CUEDC1: variants seen among roughly 807,000 people sequenced by gnomAD.
The protein encoded by CUEDC1 is CUE domain-containing protein 1.
CUEDC1 carries 30 observed loss-of-function variants against 43.7 expected under a neutral mutation model. The observed-to-expected ratio is 0.69, with a 90% CI of 0.51 to 0.93. CUEDC1 has a LOEUF of 0.93. Ranked by LOEUF, CUEDC1 falls within the 40% of genes least tolerant of loss-of-function variation. The pLI, the probability that CUEDC1 is intolerant of heterozygous loss-of-function variation, is 0.00. For missense variants in CUEDC1, 486 were observed against 549.0 expected (o/e 0.89, Z 1.15); for synonymous variants, 223 against 223.6 (o/e 1.00, Z 0.02).
rs1326657030 is a variant in CUEDC1, at chr17:57,873,585, T to C, written c.591+6A>G. 1.9e-6 allele frequency: 3 copies of C among 1,558,062 alleles called. No individual in the cohort carries two copies. Among genetic ancestry groups the C allele is most frequent in the African/African-American group, 1.4e-5 (1 of 72,752 alleles). ...GGGAGTGGAAGGCGGGGGCGGCCCCTGTTACCTGTATGCTGTCCAGCTGCT... is the reference window on the plus strand; with the variant it reads ...GGGAGTGGAAGGCGGGGGCGGCCCCCGTTACCTGTATGCTGTCCAGCTGCT... On this transcript the variant is annotated splice_donor_region_variant and intron_variant, in intron 4 of 10. Transcript: ENST00000577830.
At chr17:57,864,311 G>A (rs368315917) in intron 10 of CUEDC1, among the ~76,000 whole-genome samples, 1 of 142,542 alleles carries the variant, frequency 7.0e-6, no homozygotes, top group Non-Finnish European at 1.5e-5. Flanking sequence ...AGATTCAGAT[G>A]TAGGAGCCAG....
chr17:57,917,999 T>TA (rs61077820), intron 1 of CUEDC1, among the ~76,000 whole-genome samples: 3,602 of 151,810 alleles, frequency 0.024, 152 homozygotes, highest in African/African-American at 0.082. Context: ...GTGGCATCGT[T>TA]AGAGTGTGAG....
chr17:57,885,457 G>A lies in CUEDC1; in HGVS notation c.108C>T (p.Ser36=), dbSNP rs765939268. 1.3e-6 allele frequency: 2 copies of A among 1,594,502 alleles called. No individual in the cohort carries two copies. Among genetic ancestry groups the A allele is most frequent in the Non-Finnish European group, 1.7e-6 (2 of 1,173,314 alleles). Residue 36 remains serine (S), a synonymous_variant, in exon 2 of 11, where the codon AGC becomes AGT. Coordinates refer to ENST00000577830, the MANE Select transcript of CUEDC1 (RefSeq NM_001271875.2). ...GGCGGCGCACCTGGCGGGCAGGCCG[G>A]CTGTTGTTGAGCTCCTGGGGGGCGG... The part of the protein sequence containing the change: ...GTAAPQELNN[S]RPARQVRRLE...
In CUEDC1 at chr17:57,866,509, T is replaced by G; in HGVS notation, c.1129A>C (p.Lys377Gln). Residue 377 changes from lysine to glutamine, a missense_variant, in exon 10 of 11, where the codon AAG becomes CAG. Transcript: ENST00000577830. ...CCTTCTCGCAGGCCTTCCTCCACCT[T>G]GGGTGCCTCCTGACGCCTGCCCCGG... ...DFRGRRQEAP[K>Q]VEEGLREGQ 6.2e-7 allele frequency: 1 copy of G among 1,614,178 alleles called. No individual in the cohort carries two copies. Among genetic ancestry groups the G allele is most frequent in the Admixed American group, 1.7e-5 (1 of 60,026 alleles).
intron 1 of CUEDC1, among the ~76,000 whole-genome samples, chr17:57,927,657 G>A (rs2074761635): frequency 6.6e-6 from 1 of 152,192 alleles, no homozygotes. Flanking sequence ...GGTATGTCAG[G>A]GGATCTGCCC....
chr17:57,942,428 G>A (rs1334975154), intron 1 of CUEDC1, among the ~76,000 whole-genome samples: 2 of 151,784 alleles, frequency 1.3e-5, no homozygotes, highest in South Asian at 2.1e-4. Flanking sequence ...TCGCTCTGTC[G>A]CCCAGGCTGG....
chr17:57,882,708 T>G (rs2074229285), intron 2 of CUEDC1, among the ~76,000 whole-genome samples: 1 of 152,184 alleles, frequency 6.6e-6, no homozygotes, highest in Non-Finnish European at 1.5e-5. Flanking sequence ...TGTGAGAAGA[T>G]GAGGATGAAG....
At chr17:57,912,075 G>C (rs191275599) in intron 1 of CUEDC1, among the ~76,000 whole-genome samples, 1 of 152,310 alleles carries the variant, frequency 6.6e-6, no homozygotes, top group East Asian at 1.9e-4. Flanking sequence ...AATGGCAGAA[G>C]CCTACAGAAG....
intron 7 of CUEDC1, 134 bp from the exon 8 acceptor site, chr17:57,868,377 C>G (rs769176806): frequency 1.2e-5 from 9 of 740,016 alleles, no homozygotes; most frequent in Non-Finnish European, 1.9e-5. Context: ...AGGGTGGGAG[C>G]TGAGGAGGGA....
At chr17:57,934,451 G>A (rs1295569217) in intron 1 of CUEDC1, among the ~76,000 whole-genome samples, 1 of 151,402 alleles carries the variant, frequency 6.6e-6, no homozygotes, top group South Asian at 2.1e-4. Context: ...CAGCTACTTG[G>A]GAGGCTGAGG....
intron 1 of CUEDC1, among the ~76,000 whole-genome samples, chr17:57,940,771 TA>T (rs1598024487): frequency 6.6e-6 from 1 of 152,206 alleles, no homozygotes; most frequent in East Asian, 1.9e-4. Flanking sequence ...GTCATGGGTA[TA>T]ATCAAGGGCA....
chr17:57,945,254 GAGA>G (rs1184525486), intron 1 of CUEDC1, among the ~76,000 whole-genome samples: 1 of 152,148 alleles, frequency 6.6e-6, no homozygotes, highest in African/African-American at 2.4e-5. Context: ...TTTCCAACTT[GAGA>G]AGAACTCTTC....
At chr17:57,918,743 G>A (rs2074669295) in intron 1 of CUEDC1, among the ~76,000 whole-genome samples, 1 of 152,236 alleles carries the variant, frequency 6.6e-6, no homozygotes, top group Non-Finnish European at 1.5e-5. Context: ...TGGGTTTGCT[G>A]TTCTAAGGCT....
intron 1 of CUEDC1, among the ~76,000 whole-genome samples, chr17:57,889,088 C>T (rs892673204): frequency 3.9e-5 from 6 of 152,208 alleles, no homozygotes; most frequent in South Asian, 2.1e-4. Context: ...ACAAGGCCTC[C>T]GCACTCCCCA....
intron 1 of CUEDC1, among the ~76,000 whole-genome samples, chr17:57,908,713 T>C (rs1301549909): frequency 6.6e-6 from 1 of 152,194 alleles, no homozygotes; most frequent in African/African-American, 2.4e-5. Context: ...AAGATCATAA[T>C]GTGACCAGGT....
chr17:57,924,489 A>G (rs905934475), intron 1 of CUEDC1, among the ~76,000 whole-genome samples: 1 of 152,170 alleles, frequency 6.6e-6, no homozygotes, highest in South Asian at 2.1e-4. Flanking sequence ...GAAGAAAGGG[A>G]AAAGTGTGTA....
At chr17:57,913,899 G>A (rs368552546) in intron 1 of CUEDC1, among the ~76,000 whole-genome samples, 3 of 152,146 alleles carry the variant, frequency 2.0e-5, no homozygotes, top group African/African-American at 7.2e-5. Context: ...TTATTTCAAG[G>A]ATTCAGGTTG....
At chr17:57,866,921 C>T in intron 9 of CUEDC1, 1 of 348,326 alleles carries the variant, frequency 2.9e-6, no homozygotes. Context: ...CAGCTGCGGG[C>T]CCAGGAGGGT....
intron 2 of CUEDC1, among the ~76,000 whole-genome samples, chr17:57,883,687 C>T (rs1461480988): frequency 6.6e-6 from 1 of 152,034 alleles, no homozygotes; most frequent in Admixed American, 6.5e-5. Context: ...CGCGCCATTG[C>T]ACTCCAGCCT....
Sources: gnomAD v4.1 joint callset for allele counts (sites outside exome capture counted in the v4.1 genomes callset) on GRCh38, gnomAD v4.1.1 for gene constraint, MANE v1.5 for transcripts, NCBI Gene and HGNC (gene_info 2026-07-23, HGNC 2026-07-21) for gene names.